The following UBE2E2 variants were observed in gnomAD, a reference collection of about 807,000 sequenced individuals.
The protein encoded by UBE2E2 is ubiquitin-conjugating enzyme E2 E2.
In UBE2E2, 6 loss-of-function variants were observed where a neutral mutation model predicts 24.7. That is an observed-to-expected ratio of 0.24 (90% confidence interval 0.13 to 0.48). UBE2E2 has a LOEUF of 0.48. Ranked by LOEUF, UBE2E2 falls within the 20% of genes least tolerant of loss-of-function variation. UBE2E2 has a pLI of 0.99. For missense variants in UBE2E2, 169 were observed against 245.0 expected (o/e 0.69, Z 2.07); for synonymous variants, 104 against 83.6 (o/e 1.24, Z -1.33).
intron 3 of UBE2E2, among the ~76,000 whole-genome samples, chr3:23,339,444 T>C (rs1394842382): frequency 6.6e-6 from 1 of 152,100 alleles, no homozygotes; most frequent in Admixed American, 6.5e-5. Context: ...TTTAGATAAT[T>C]GTACTGTGGT....
chr3:23,410,991 G>A (rs1484012544), intron 3 of UBE2E2, among the ~76,000 whole-genome samples: 3 of 152,002 alleles, frequency 2.0e-5, no homozygotes, highest in Non-Finnish European at 4.4e-5. Flanking sequence ...CTAGGGTATA[G>A]TTTGTAAATT....
Position 23,262,809 on chromosome 3 carries a change from G to C in UBE2E2, c.227+45497G>C, listed in dbSNP as rs527755460. On this transcript the variant is annotated intron_variant, in intron 3 of 5. Transcript: ENST00000396703. ...TTTGCTTTTGTTGCACATGCTTTTG[G>C]TGTCACATCCAAAAAATCCTTGCCG... 1.6e-4 allele frequency among the ~76,000 whole-genome samples: 25 copies of C among 152,034 alleles called. 1 individual carries two copies. In the South Asian group the frequency reaches 2.3e-3, roughly 14 times the overall value.
intron 3 of UBE2E2, among the ~76,000 whole-genome samples, chr3:23,420,525 A>G (rs1697770847): frequency 6.6e-6 from 1 of 152,224 alleles, no homozygotes; most frequent in African/African-American, 2.4e-5. Context: ...AGAATAAGGC[A>G]GGAATTAAGT....
intron 3 of UBE2E2, among the ~76,000 whole-genome samples, chr3:23,360,428 T>C (rs1214907655): frequency 6.6e-6 from 1 of 152,210 alleles, no homozygotes; most frequent in Non-Finnish European, 1.5e-5. Context: ...TAAAACATGT[T>C]CTTTGTCCTC....
At chr3:23,244,702 G>A (rs952240212) in intron 3 of UBE2E2, among the ~76,000 whole-genome samples, 1 of 152,124 alleles carries the variant, frequency 6.6e-6, no homozygotes, top group South Asian at 2.1e-4. Flanking sequence ...GAATGAAAAT[G>A]TGTAATTTTA....
intron 3 of UBE2E2, among the ~76,000 whole-genome samples, chr3:23,392,591 A>G (rs1200392594): frequency 6.6e-6 from 1 of 152,188 alleles, no homozygotes; most frequent in Non-Finnish European, 1.5e-5. Context: ...AAACAAATGT[A>G]TGGAGAGTTT....
At chr3:23,501,212 T>C (rs915657320) in intron 4 of UBE2E2, among the ~76,000 whole-genome samples, 1 of 152,226 alleles carries the variant, frequency 6.6e-6, no homozygotes, top group African/African-American at 2.4e-5. Context: ...GTGCTGCTTG[T>C]AAATCTGATG....
chr3:23,262,958 C>T (rs1169517559), intron 3 of UBE2E2, among the ~76,000 whole-genome samples: 1 of 152,102 alleles, frequency 6.6e-6, no homozygotes, highest in African/African-American at 2.4e-5. Flanking sequence ...GCAAAAAGCT[C>T]TTCTGGAATT....
intron 3 of UBE2E2, among the ~76,000 whole-genome samples, chr3:23,408,031 A>C (rs35907941): frequency 0.064 from 9,734 of 152,156 alleles, 461 homozygotes; most frequent in Non-Finnish European, 0.087. Flanking sequence ...TCACTGAAGT[A>C]AATAAAACTT....
chr3:23,430,245 A>G (rs1293428100), intron 3 of UBE2E2, among the ~76,000 whole-genome samples: 1 of 152,162 alleles, frequency 6.6e-6, no homozygotes, highest in Non-Finnish European at 1.5e-5. Context: ...TATAATCGAC[A>G]TAAATGGTCA....
At chr3:23,340,329 G>T (rs1391640307) in intron 3 of UBE2E2, among the ~76,000 whole-genome samples, 3 of 152,010 alleles carry the variant, frequency 2.0e-5, no homozygotes, top group Non-Finnish European at 2.9e-5. Context: ...AATTGGTTAT[G>T]GAAAAGTGAG....
At chr3:23,467,861 A>T (rs1318622456) in intron 3 of UBE2E2, among the ~76,000 whole-genome samples, 1 of 152,098 alleles carries the variant, frequency 6.6e-6, no homozygotes, top group African/African-American at 2.4e-5. Context: ...GGTGAAGGGG[A>T]AGGAGGCACA....
At chr3:23,415,632 T>C (rs1200994717) in intron 3 of UBE2E2, among the ~76,000 whole-genome samples, 1 of 152,222 alleles carries the variant, frequency 6.6e-6, no homozygotes, top group East Asian at 1.9e-4. Flanking sequence ...ACAGGTGATG[T>C]ACATCTAAAA....
At chr3:23,276,928 CTT>C (rs755981726) in intron 3 of UBE2E2, among the ~76,000 whole-genome samples, 1 of 151,746 alleles carries the variant, frequency 6.6e-6, no homozygotes, top group Non-Finnish European at 1.5e-5. Flanking sequence ...AGAGGAAAAA[CTT>C]TTTTTATTTT....
intron 3 of UBE2E2, among the ~76,000 whole-genome samples, chr3:23,253,940 T>A (rs1037222138): frequency 1.3e-5 from 2 of 152,206 alleles, no homozygotes; most frequent in Non-Finnish European, 2.9e-5. Context: ...CTCTCTCAAA[T>A]AGGGTATATT....
At chr3:23,404,999 C>A (rs932269846) in intron 3 of UBE2E2, among the ~76,000 whole-genome samples, 3 of 152,150 alleles carry the variant, frequency 2.0e-5, no homozygotes, top group African/African-American at 4.8e-5. Context: ...GACTCAGATG[C>A]GAAGGTGTTT....
chr3:23,279,067 G>A (rs894753696), intron 3 of UBE2E2, among the ~76,000 whole-genome samples: 1 of 152,070 alleles, frequency 6.6e-6, no homozygotes, highest in Non-Finnish European at 1.5e-5. Flanking sequence ...AAGGTAAAAA[G>A]TTGGGTAGAA....
rs1487925868 is a variant in UBE2E2 at position 23,578,294 on chromosome 3, A to G, written c.509-11440A>G. On this transcript the variant is annotated intron_variant, in intron 5 of 5. Transcript: ENST00000396703. ...AGTCAAAAAACAACAAATGCTGTCA[A>G]CATTGCAGAGAAAAAGGAATGCATT... is the stretch of plus-strand genomic sequence containing the variant. Among the ~76,000 whole-genome samples the G allele has an allele frequency of 7.2e-5, 11 of 152,260 alleles. No homozygotes were observed. In the East Asian group the frequency reaches 2.1e-3, roughly 29 times the overall value.
At chr3:23,279,461 A>G (rs1698439741) in intron 3 of UBE2E2, among the ~76,000 whole-genome samples, 1 of 152,190 alleles carries the variant, frequency 6.6e-6, no homozygotes, top group South Asian at 2.1e-4. Flanking sequence ...GTTTACAGGG[A>G]AAGTCAAATG....
Sources: allele counts gnomAD v4.1 joint callset (sites outside exome capture counted in the v4.1 genomes callset), GRCh38; gene constraint gnomAD v4.1.1; transcripts MANE v1.5; gene names NCBI Gene and HGNC (gene_info 2026-07-23, HGNC 2026-07-21).